Variants in GOLPH3 observed in about 807,000 individuals in gnomAD.
GOLPH3 encodes the protein golgi phosphoprotein 3, also known as coat protein GPP34.
A neutral mutation model predicts 28.5 loss-of-function variants in GOLPH3; 14 were observed. That is an observed-to-expected ratio of 0.49 (90% CI 0.32 to 0.77). The LOEUF is 0.77. Among genes scored for constraint, GOLPH3 ranks in the 30% least tolerant of loss-of-function variants. The pLI is 0.03. For synonymous variants in GOLPH3, 158 were observed against 159.2 expected, an observed-to-expected ratio of 0.99 and a Z score of 0.06; for missense variants, 350 against 393.7, an observed-to-expected ratio of 0.89 and a Z score of 0.94.
intron 3 of GOLPH3, among the ~76,000 whole-genome samples, chr5:32,128,564 C>G (rs139311537): frequency 2.0e-5 from 3 of 152,026 alleles, no homozygotes; most frequent in Non-Finnish European, 4.4e-5. Flanking sequence ...ACGGCTGAGG[C>G]AGGAGAATCA....
At chr5:32,154,307 C>A (rs1328319888) in intron 1 of GOLPH3, among the ~76,000 whole-genome samples, 1 of 152,092 alleles carries the variant, frequency 6.6e-6, no homozygotes, top group East Asian at 1.9e-4. Flanking sequence ...TAAAGGAAAC[C>A]AAATCAGTCA....
At chr5:32,152,372 A>C (rs980272666) in intron 1 of GOLPH3, among the ~76,000 whole-genome samples, 1 of 142,238 alleles carries the variant, frequency 7.0e-6, no homozygotes, top group African/African-American at 2.6e-5. Context: ...TGATCCGCCC[A>C]CCTCAGCCTC....
At position 32,173,934 on chromosome 5, in the gene GOLPH3, C is replaced by T; in HGVS notation, c.101G>A (p.Gly34Asp). The T allele has an allele frequency of 6.7e-7, 1 of 1,483,436 alleles. No homozygotes were observed. Among genetic ancestry groups the T allele is most frequent in the Non-Finnish European group, 8.9e-7 (1 of 1,122,792 alleles). 91.9% of individuals were successfully genotyped at this position (1,483,436 alleles called of 1,614,324 possible). Residue 34 changes from glycine to aspartate, a missense_variant, in exon 1 of 4, where the codon GGC (glycine) becomes GAC (aspartate). Gly to Asp is a moderately conservative substitution (Grantham distance 94). Coordinates refer to ENST00000265070, the MANE Select transcript of GOLPH3 (RefSeq NM_022130.4). ...DKERAAGGGA[G>D]SSEDDAQSRR... The stretch of plus-strand genomic sequence containing the variant: ...GCTCTGCGCGTCGTCCTCGCTGCTG[C>T]CGGCGCCGCCGCCCGCCGCCCGCTC...
chr5:32,139,438 A>C (rs1746009222), intron 2 of GOLPH3, among the ~76,000 whole-genome samples: 1 of 152,236 alleles, frequency 6.6e-6, no homozygotes, highest in Admixed American at 6.5e-5. Flanking sequence ...TAGTCTGCCT[A>C]ATCTGGCTGT....
chr5:32,141,949 C>G (rs1024861254), intron 2 of GOLPH3, among the ~76,000 whole-genome samples: 2 of 151,992 alleles, frequency 1.3e-5, no homozygotes, highest in African/African-American at 4.8e-5. Context: ...GATCTCGGCT[C>G]GCTACAACCT....
At chr5:32,138,426 T>C (rs1745984472) in intron 2 of GOLPH3, among the ~76,000 whole-genome samples, 1 of 152,182 alleles carries the variant, frequency 6.6e-6, no homozygotes, top group Non-Finnish European at 1.5e-5. Flanking sequence ...AGGGTACATG[T>C]GTACAACGTG....
chr5:32,133,712 T>C (rs922283806), intron 3 of GOLPH3, among the ~76,000 whole-genome samples: 24 of 152,362 alleles, frequency 1.6e-4, no homozygotes, highest in Middle Eastern at 3.4e-3. Context: ...TCAGACAGCA[T>C]TGACAATGTG....
intron 1 of GOLPH3, among the ~76,000 whole-genome samples, chr5:32,159,222 T>C (rs984027941): frequency 3.9e-5 from 6 of 152,240 alleles, no homozygotes; most frequent in Non-Finnish European, 8.8e-5. Flanking sequence ...TTTCAGATTC[T>C]AGATTTGGAA....
rs1028675200 is a variant in GOLPH3 at position 32,143,222 on chromosome 5, T to C, written c.357+527A>G. Among the ~76,000 whole-genome samples, 4 of 152,164 alleles carry C rather than the reference T, an allele frequency of 2.6e-5. No homozygotes were observed. In the South Asian group the frequency reaches 8.3e-4, roughly 32 times the overall value. ...TGAATGGATTAAGGGCGGTGCAAGA[T>C]GTGCTTTGTTAAACAGATGCTTGAA... On this transcript the variant is annotated intron_variant, in intron 2 of 3. Transcript: ENST00000265070.
chr5:32,137,320 G>A (rs574049938), intron 2 of GOLPH3, among the ~76,000 whole-genome samples: 5 of 151,814 alleles, frequency 3.3e-5, no homozygotes, highest in South Asian at 2.1e-4. Context: ...TATCAATAGC[G>A]TTGATTACAT....
At chr5:32,160,806 G>A (rs1432580132) in intron 1 of GOLPH3, among the ~76,000 whole-genome samples, 8 of 152,152 alleles carry the variant, frequency 5.3e-5, no homozygotes, top group South Asian at 2.1e-4. Flanking sequence ...GGTGGCTCAC[G>A]CCTGTAATCC....
chr5:32,158,526 C>G (rs1363248740), intron 1 of GOLPH3, among the ~76,000 whole-genome samples: 2 of 152,150 alleles, frequency 1.3e-5, no homozygotes, highest in African/African-American at 4.8e-5. Context: ...CCTGCCCTAT[C>G]TCCTTTCCAT....
intron 1 of GOLPH3, among the ~76,000 whole-genome samples, chr5:32,155,956 C>CAAAAAAAAAAAAAAAAAAA (rs70961608): frequency 4.2e-5 from 2 of 47,770 alleles, no homozygotes; most frequent in Non-Finnish European, 4.3e-5. Flanking sequence ...AACACTGTCT[C>CAAAAAAAAAAAAAAAAAAA]AAAAAAAAAA....
chr5:32,172,016 AT>A (rs1746847978), intron 1 of GOLPH3, among the ~76,000 whole-genome samples: 1 of 152,162 alleles, frequency 6.6e-6, no homozygotes, highest in South Asian at 2.1e-4. Context: ...AAAGTTGAAT[AT>A]TTTCTAAAAA....
rs1157830931 is a variant in GOLPH3 at position 32,142,355 on chromosome 5, C to T, written c.357+1394G>A. On this transcript the variant is annotated intron_variant, in intron 2 of 3. Transcript: ENST00000265070. ...ACCGCCCCGTCTGAGAAGTGAGGAG[C>T]CCCTCCGCCCGGCAGCCGCCCCGTC... is the stretch of plus-strand genomic sequence containing the variant. Among the ~76,000 whole-genome samples the T allele has an allele frequency of 2.7e-5, 4 of 148,166 alleles. No homozygotes were observed. The East Asian group carries it at 6.1e-4, about 22-fold the overall frequency.
At chr5:32,167,782 C>CA (rs954878260) in intron 1 of GOLPH3, among the ~76,000 whole-genome samples, 6 of 150,836 alleles carry the variant, frequency 4.0e-5, no homozygotes, top group South Asian at 2.1e-4. Context: ...CACGTCTCTA[C>CA]AAAAAAAAAT....
At chr5:32,160,929 TG>T (rs1299153046) in intron 1 of GOLPH3, among the ~76,000 whole-genome samples, 1 of 151,426 alleles carries the variant, frequency 6.6e-6, no homozygotes, top group Admixed American at 6.6e-5. Flanking sequence ...TAGCCAGGCG[TG>T]GTGGCGGGTG....
chr5:32,126,582 C>T lies in GOLPH3; in HGVS notation c.527G>A (p.Arg176Gln), dbSNP rs974932363. 1 of 1,614,038 alleles carries T rather than the reference C, an allele frequency of 6.2e-7. No individual in the cohort carries two copies. The change falls in exon 4 of 4, where the codon CGA becomes CAA. Residue 176 changes from arginine to glutamine, a missense_variant. Coordinates refer to ENST00000265070, the MANE Select transcript of GOLPH3 (RefSeq NM_022130.4). ...LHYQLRNVRE[R>Q]LAKNLVEKGV... ...CTTTTCCACCAGGTTTTTAGCTAAT[C>T]GTTCCCGTACATTTCTTAACTGATA... is the stretch of plus-strand genomic sequence containing the variant.
chr5:32,147,644 G>C (rs537537658), intron 1 of GOLPH3, among the ~76,000 whole-genome samples: 16 of 152,012 alleles, frequency 1.1e-4, no homozygotes, highest in Non-Finnish European at 1.9e-4. Context: ...AGGAAAACTC[G>C]TGGCAAGGAG....
Sources: gnomAD v4.1 joint callset for allele counts (sites outside exome capture counted in the v4.1 genomes callset) on GRCh38, gnomAD v4.1.1 for gene constraint, MANE v1.5 for transcripts, NCBI Gene and HGNC (gene_info 2026-07-23, HGNC 2026-07-21) for gene names.